The following CDH19 variants were observed in gnomAD, a reference collection of about 807,000 sequenced individuals.
CDH19 encodes cadherin-19.
CDH19 carries 67 observed loss-of-function variants against 64.2 expected under a neutral mutation model. That is an observed-to-expected ratio of 1.04 (90% CI 0.86 to 1.28). CDH19 has a LOEUF of 1.28. Among genes scored for constraint, CDH19 ranks in the 50% most tolerant of loss-of-function variants. The pLI is 0.00. For missense variants in CDH19, 1,030 were observed against 929.0 expected (o/e 1.11, Z -1.41); for synonymous variants, 346 against 319.3 (o/e 1.08, Z -0.89).
At chr18:66,512,382 C>T (rs569195350) in intron 9 of CDH19, among the ~76,000 whole-genome samples, 52 of 151,580 alleles carry the variant, frequency 3.4e-4, no homozygotes, top group African/African-American at 1.2e-3. Flanking sequence ...AAAAGATATG[C>T]TGTCAAGATC....
intron 3 of CDH19, among the ~76,000 whole-genome samples, chr18:66,555,471 A>G (rs1360555924): frequency 2.0e-5 from 3 of 151,748 alleles, no homozygotes; most frequent in Non-Finnish European, 3.0e-5. Flanking sequence ...GTGGCCCTAA[A>G]TAGTACATAT....
At chr18:66,508,616 A>C (rs1985316632) in intron 11 of CDH19, among the ~76,000 whole-genome samples, 1 of 151,962 alleles carries the variant, frequency 6.6e-6, no homozygotes, top group South Asian at 2.1e-4. Flanking sequence ...TGCATAGTGC[A>C]TATAAAACAC....
At chr18:66,568,088 A>C (rs1987973353) in intron 3 of CDH19, among the ~76,000 whole-genome samples, 1 of 151,862 alleles carries the variant, frequency 6.6e-6, no homozygotes, top group South Asian at 2.1e-4. Context: ...ATGAGATACA[A>C]AAATATATTT....
intron 1 of CDH19, among the ~76,000 whole-genome samples, chr18:66,599,657 T>G (rs1397645444): frequency 6.6e-6 from 1 of 152,038 alleles, no homozygotes; most frequent in Non-Finnish European, 1.5e-5. Context: ...TCAGTTTATG[T>G]CTCATAAATT....
At chr18:66,559,289 A>T (rs1298561433) in intron 3 of CDH19, among the ~76,000 whole-genome samples, 1 of 152,054 alleles carries the variant, frequency 6.6e-6, no homozygotes, top group Non-Finnish European at 1.5e-5. Context: ...ACTTTTTAAA[A>T]ATTAAGAATA....
At chr18:66,544,565 ACT>A (rs1213918318) in intron 6 of CDH19, among the ~76,000 whole-genome samples, 152 bp downstream of exon 6, 1 of 152,074 alleles carries the variant, frequency 6.6e-6, no homozygotes, top group African/African-American at 2.4e-5. Context: ...CTCTGTAATA[ACT>A]CTCTCATCTC....
chr18:66,577,147 T>C (rs148127037), intron 1 of CDH19, among the ~76,000 whole-genome samples: 3,228 of 151,928 alleles, frequency 0.021, 108 homozygotes, highest in African/African-American at 0.069. Context: ...TCCAAAGTGT[T>C]GTATAAATGC....
intron 9 of CDH19, among the ~76,000 whole-genome samples, chr18:66,521,921 G>T (rs7230980): frequency 0.27 from 5,938 of 22,260 alleles, 174 homozygotes; most frequent in East Asian, 0.51. Flanking sequence ...TTGTTCTGTT[G>T]TTGTTGTTGT....
intron 1 of CDH19, among the ~76,000 whole-genome samples, chr18:66,589,263 T>TATAC (rs1334217645): frequency 6.7e-6 from 1 of 148,948 alleles, no homozygotes; most frequent in African/African-American, 2.5e-5. Context: ...TATATATATA[T>TATAC]ACACACATAT....
At chr18:66,587,428 G>C (rs1988608733) in intron 1 of CDH19, among the ~76,000 whole-genome samples, 1 of 152,130 alleles carries the variant, frequency 6.6e-6, no homozygotes. Flanking sequence ...CTCATAAACT[G>C]TCCCTAAATT....
At chr18:66,543,451 G>A (rs970484367) in intron 7 of CDH19, among the ~76,000 whole-genome samples, 1 of 152,054 alleles carries the variant, frequency 6.6e-6, no homozygotes, top group Non-Finnish European at 1.5e-5. Context: ...ATTTTAATTG[G>A]TAATTGCCTC....
intron 3 of CDH19, among the ~76,000 whole-genome samples, chr18:66,557,054 C>T (rs1335152006): frequency 6.6e-6 from 1 of 151,922 alleles, no homozygotes; most frequent in Non-Finnish European, 1.5e-5. Context: ...CCAGCAATCC[C>T]ACTACTGGGT....
intron 8 of CDH19, among the ~76,000 whole-genome samples, chr18:66,530,245 G>A (rs1986390953): frequency 1.3e-5 from 2 of 152,006 alleles, no homozygotes; most frequent in Admixed American, 1.3e-4. Flanking sequence ...AAAAGATAAA[G>A]TAAAATAAGG....
At chr18:66,507,134 C>T (rs770766552) in intron 11 of CDH19, among the ~76,000 whole-genome samples, 1 of 151,926 alleles carries the variant, frequency 6.6e-6, no homozygotes, top group South Asian at 2.1e-4. Flanking sequence ...CTATAGGTAG[C>T]TCAGTATTTT....
At chr18:66,525,483 G>A (rs545614937) in intron 9 of CDH19, among the ~76,000 whole-genome samples, 58 of 152,000 alleles carry the variant, frequency 3.8e-4, no homozygotes, top group African/African-American at 1.4e-3. Flanking sequence ...ATTAATGTTA[G>A]GTGTTTGGTT....
intron 7 of CDH19, among the ~76,000 whole-genome samples, chr18:66,543,274 G>T (rs1191011640): frequency 4.6e-5 from 7 of 151,942 alleles, no homozygotes; most frequent in Non-Finnish European, 1.5e-5. Context: ...TGATCCGCCC[G>T]CCTCGGCCTC....
chr18:66,528,764 A>G (rs1986321385), intron 9 of CDH19, among the ~76,000 whole-genome samples: 1 of 152,100 alleles, frequency 6.6e-6, no homozygotes, highest in South Asian at 2.1e-4. Context: ...AATTGATCAA[A>G]TATAACTTTG....
chr18:66,552,479 T>G (rs1046957229), intron 4 of CDH19, among the ~76,000 whole-genome samples: 1 of 137,348 alleles, frequency 7.3e-6, no homozygotes, highest in African/African-American at 3.3e-5. Flanking sequence ...TTCACACATG[T>G]AATCAATTAT....
intron 11 of CDH19, among the ~76,000 whole-genome samples, chr18:66,507,378 G>T (rs1210651979): frequency 1.3e-5 from 2 of 151,886 alleles, no homozygotes; most frequent in African/African-American, 4.8e-5. Flanking sequence ...GCCAGTTTGA[G>T]TGGTCAGTTT....
Sources: gnomAD v4.1 joint callset for allele counts (sites outside exome capture counted in the v4.1 genomes callset) on GRCh38, gnomAD v4.1.1 for gene constraint, MANE v1.5 for transcripts, NCBI Gene and HGNC (gene_info 2026-07-23, HGNC 2026-07-21) for gene names.